LINGO2: variants seen among roughly 807,000 people sequenced by gnomAD.
The protein encoded by LINGO2 is leucine-rich repeat and immunoglobulin-like domain-containing nogo receptor-interacting protein 2.
In LINGO2, 14 loss-of-function variants were observed where a neutral mutation model predicts 30.6. That is an observed-to-expected ratio of 0.46 (90% CI 0.30 to 0.72). LINGO2 has a LOEUF of 0.72. Ranked by LOEUF, LINGO2 falls within the 30% of genes least tolerant of loss-of-function variation. The pLI is 0.07. For missense variants in LINGO2, 729 were observed against 751.7 expected (o/e 0.97, Z 0.35); for synonymous variants, 317 against 288.5 (o/e 1.10, Z -1.00).
At chr9:28,761,412 C>G in the LINGO2 span, among the ~76,000 whole-genome samples, 1 of 151,560 alleles carries the variant, frequency 6.6e-6, no homozygotes, top group Non-Finnish European at 1.5e-5. Context: ...AAAACTCAAC[C>G]TAATTCTTGT....
At chr9:28,393,809 A>C (rs368283109) in intron 2 of LINGO2, among the ~76,000 whole-genome samples, 2 of 152,136 alleles carry the variant, frequency 1.3e-5, no homozygotes, top group East Asian at 3.9e-4. Flanking sequence ...GTGCCAGGGA[A>C]TTAACACCCA....
intron 5 of LINGO2, among the ~76,000 whole-genome samples, chr9:27,979,043 G>A (rs779853657): frequency 1.9e-4 from 29 of 152,090 alleles, no homozygotes; most frequent in Non-Finnish European, 3.7e-4. Context: ...GTTAGAATTG[G>A]AATTTGAACA....
intron 4 of LINGO2, among the ~76,000 whole-genome samples, chr9:28,123,778 C>A (rs184732041): frequency 1.2e-3 from 182 of 152,090 alleles, no homozygotes; most frequent in African/African-American, 4.3e-3. Context: ...ATTTTCCTGC[C>A]TCAGCCTCCT....
At chr9:28,430,061 G>A (rs1823583635) in intron 2 of LINGO2, among the ~76,000 whole-genome samples, 1 of 151,982 alleles carries the variant, frequency 6.6e-6, no homozygotes, top group African/African-American at 2.4e-5. Flanking sequence ...TAATCCCTAA[G>A]ATGGGGAGTC....
chr9:28,148,563 C>T lies in LINGO2; in HGVS notation c.-86-136158G>A, dbSNP rs199540874. ...GCTTCCACCTCTAGGCCCCTGGAGA[C>T]TCAGGGAAACTTCACTTCCTCCTGG... On this transcript the variant is annotated intron_variant, in intron 4 of 5. Coordinates refer to ENST00000379992, the Ensembl canonical transcript of LINGO2. This position sits in a 1 kb window ranked among gnomAD's most constrained non-coding sequence, Gnocchi z 5.1. 1.2e-3 allele frequency: 1,754 copies of T among 1,499,094 alleles called. 4 individuals are homozygous for T. In the Middle Eastern group the frequency reaches 0.016, roughly 13 times the overall value. 92.9% of individuals were successfully genotyped at this position (1,499,094 alleles called of 1,614,324 possible).
intron 1 of LINGO2, among the ~76,000 whole-genome samples, chr9:28,594,871 T>C (rs1825100330): frequency 6.6e-6 from 1 of 152,098 alleles, no homozygotes; most frequent in African/African-American, 2.4e-5. Context: ...GACTGCTCTA[T>C]TACTGATTTT....
chr9:28,700,149 G>C, the LINGO2 span, among the ~76,000 whole-genome samples: 1 of 151,840 alleles, frequency 6.6e-6, no homozygotes, highest in Admixed American at 6.6e-5. Flanking sequence ...ACCTATAAGT[G>C]ATGTCACCCC....
the LINGO2 span, among the ~76,000 whole-genome samples, chr9:28,714,855 G>A: frequency 1.3e-5 from 2 of 151,900 alleles, no homozygotes; most frequent in African/African-American, 4.8e-5. Flanking sequence ...TTATTATGTA[G>A]GTAGAAATTC....
chr9:28,373,792 C>A (rs190647524), intron 2 of LINGO2, among the ~76,000 whole-genome samples: 9 of 150,776 alleles, frequency 6.0e-5, no homozygotes, highest in African/African-American at 2.2e-4. Context: ...CCCAGCTACT[C>A]GGGAGGCTGA....
intron 4 of LINGO2, among the ~76,000 whole-genome samples, chr9:28,090,619 G>A (rs1826051712): frequency 6.6e-6 from 1 of 152,084 alleles, no homozygotes; most frequent in Non-Finnish European, 1.5e-5. Context: ...TACTTAATGG[G>A]CAAAAACCGG....
chr9:29,160,957 T>C, the LINGO2 span, among the ~76,000 whole-genome samples: 1 of 152,226 alleles, frequency 6.6e-6, no homozygotes, highest in Non-Finnish European at 1.5e-5. Flanking sequence ...GCCCTGCTGA[T>C]GTTGTGCACA....
rs779982584 is a variant in LINGO2, at chr9:28,589,070, T to C, written c.-365+81130A>G. ...AAAACCACATGATTATCTCAACAGATGCAGAAAAGGCCTTTGAGAAAATTC... is the reference window on the plus strand; with the variant it reads ...AAAACCACATGATTATCTCAACAGACGCAGAAAAGGCCTTTGAGAAAATTC... On this transcript the variant is annotated intron_variant, in intron 1 of 5. Coordinates refer to ENST00000379992, the Ensembl canonical transcript of LINGO2. 5.9e-5 allele frequency among the ~76,000 whole-genome samples: 9 copies of C among 152,138 alleles called. 1 individual carries two copies. Among genetic ancestry groups the C allele is most frequent in the Non-Finnish European group, 1.0e-4 (7 of 68,028 alleles).
chr9:28,023,691 G>T (rs1823243984), intron 4 of LINGO2, among the ~76,000 whole-genome samples: 1 of 152,140 alleles, frequency 6.6e-6, no homozygotes, highest in South Asian at 2.1e-4. Flanking sequence ...TTTGTCATTT[G>T]TTAAGAAGTC....
intron 3 of LINGO2, among the ~76,000 whole-genome samples, chr9:28,323,662 A>C (rs1031445719): frequency 6.6e-6 from 1 of 152,150 alleles, no homozygotes; most frequent in African/African-American, 2.4e-5. Flanking sequence ...ATAAGCTGTA[A>C]ATAACTCCAG....
chr9:28,045,700 C>A (rs1051273062), intron 4 of LINGO2, among the ~76,000 whole-genome samples: 5 of 152,012 alleles, frequency 3.3e-5, no homozygotes, highest in African/African-American at 1.2e-4. Context: ...AATTAATAAG[C>A]AATGATTGAA....
the LINGO2 span, among the ~76,000 whole-genome samples, chr9:28,815,341 A>T: frequency 6.6e-6 from 1 of 152,222 alleles, no homozygotes; most frequent in Non-Finnish European, 1.5e-5. Flanking sequence ...GCTGAGAGGG[A>T]GAATTTTAAT....
chr9:28,874,084 T>C, the LINGO2 span, among the ~76,000 whole-genome samples: 1 of 152,040 alleles, frequency 6.6e-6, no homozygotes, highest in Non-Finnish European at 1.5e-5. Context: ...GGTCATCTGC[T>C]GGCCCATATC....
rs1231694314 is a variant in LINGO2 at position 28,147,963 on chromosome 9, C to T, written c.-86-135558G>A. On this transcript the variant is annotated intron_variant, in intron 4 of 5. Transcript: ENST00000379992. The surrounding 1 kb of genome is among the most constrained non-coding windows in gnomAD (Gnocchi z 4.7). The stretch of plus-strand genomic sequence containing the variant: ...CCTCTCCGCTTCTGACCCTTGGTTT[C>T]GTCTGTGCACAACTCACTCAAAATG... Among the ~76,000 whole-genome samples the T allele has an allele frequency of 2.0e-5, 3 of 152,188 alleles. No individual in the cohort carries two copies. The highest frequency in any genetic ancestry group is 2.4e-5 in the African/African-American group (1 of 41,440).
At chr9:28,040,153 CTTCT>C (rs146048874) in intron 4 of LINGO2, among the ~76,000 whole-genome samples, 2,397 of 152,116 alleles carry the variant, frequency 0.016, 50 homozygotes, top group African/African-American at 0.053. Context: ...TAAATTTTGC[CTTCT>C]TTATTTTTTT....
Sources: allele counts gnomAD v4.1 joint callset (sites outside exome capture counted in the v4.1 genomes callset), GRCh38; gene constraint gnomAD v4.1.1; non-coding constraint Gnocchi (gnomAD v3.1); transcripts MANE v1.5; gene names NCBI Gene and HGNC (gene_info 2026-07-23, HGNC 2026-07-21).